Variants in REPS2 observed in about 807,000 individuals in gnomAD.
REPS2 encodes the protein ralBP1-associated Eps domain-containing protein 2.
A neutral mutation model predicts 53.6 loss-of-function variants in REPS2; 23 were observed. The observed-to-expected ratio is 0.43, with a 90% CI of 0.31 to 0.61. The LOEUF (loss-of-function observed/expected upper bound fraction) is 0.61, where lower values mean the gene tolerates loss of function less well. Among genes scored for constraint, REPS2 ranks in the 20% least tolerant of loss-of-function variants. The probability of loss-of-function intolerance (pLI) is 0.11; values close to 1 mark genes in which losing one functional copy is unlikely to be tolerated. For missense variants in REPS2, 446 were observed against 534.9 expected (o/e 0.83, Z 1.64); for synonymous variants, 238 against 218.6 (o/e 1.09, Z -0.78).
chrX:17,053,859 C>A (rs1258164042), intron 7 of REPS2, among the ~76,000 whole-genome samples: 1 of 111,301 alleles, frequency 9.0e-6, no homozygotes, highest in East Asian at 2.8e-4. Flanking sequence ...TTTCAGGGCC[C>A]CAGTGCATTC....
chrX:17,073,640 GT>G (rs1386580247), intron 11 of REPS2, among the ~76,000 whole-genome samples: 1 of 108,442 alleles, frequency 9.2e-6, no homozygotes, highest in Non-Finnish European at 1.9e-5. Context: ...TGAGAGCTTT[GT>G]TTTTTTGTGG....
intron 4 of REPS2, among the ~76,000 whole-genome samples, chrX:17,028,180 A>G (rs758526314): frequency 3.6e-5 from 4 of 111,651 alleles, no homozygotes; most frequent in African/African-American, 1.3e-4. Context: ...CTCCCCTGGA[A>G]GTAGAAGTAG....
At chrX:16,994,868 C>G (rs1459652198) in intron 1 of REPS2, among the ~76,000 whole-genome samples, 2 of 111,846 alleles carry the variant, frequency 1.8e-5, no homozygotes, top group Non-Finnish European at 3.8e-5. Context: ...GAGCGTAGGT[C>G]TTGTGCCCAT....
At chrX:16,966,051 A>G (rs968468281) in intron 1 of REPS2, among the ~76,000 whole-genome samples, 8 of 112,483 alleles carry the variant, frequency 7.1e-5, no homozygotes, top group Non-Finnish European at 1.3e-4. Context: ...GTGAGCCGAG[A>G]TGGCAGCAGT....
chrX:17,142,839 C>T (rs1021745835), intron 17 of REPS2, among the ~76,000 whole-genome samples: 9 of 111,797 alleles, frequency 8.1e-5, no homozygotes, highest in African/African-American at 2.9e-4. Flanking sequence ...GTCTCTCTAC[C>T]TTAGTGAAAT....
At chrX:17,052,562 G>A in intron 7 of REPS2, 117 bp downstream of exon 7, 1 of 494,854 alleles carries the variant, frequency 2.0e-6, no homozygotes, top group Non-Finnish European at 3.2e-6. Context: ...ACAGACTACA[G>A]GAGTGAATAC....
intron 13 of REPS2, among the ~76,000 whole-genome samples, chrX:17,102,828 G>A (rs913785711): frequency 8.9e-6 from 1 of 112,600 alleles, no homozygotes; most frequent in East Asian, 2.8e-4. Flanking sequence ...TTGTCCAAAT[G>A]CATAGTACAA....
At chrX:17,176,919 C>T in the REPS2 span, among the ~76,000 whole-genome samples, 1 of 112,079 alleles carries the variant, frequency 8.9e-6, no homozygotes, top group Non-Finnish European at 1.9e-5. Flanking sequence ...TGTGTGACTC[C>T]GAAATCCCTG....
chrX:17,083,422 C>A (rs977100488), intron 13 of REPS2, among the ~76,000 whole-genome samples: 1 of 111,261 alleles, frequency 9.0e-6, no homozygotes, highest in Non-Finnish European at 1.9e-5. Flanking sequence ...TCTTCAGATT[C>A]CATTTCAGTG....
chrX:17,065,064 A>G (rs2062207511), intron 9 of REPS2, among the ~76,000 whole-genome samples: 1 of 112,130 alleles, frequency 8.9e-6, no homozygotes. Flanking sequence ...ACTTTTGGCT[A>G]TTGTAAATAA....
At position 17,103,791 on chromosome X, in the gene REPS2, A is replaced by G. The variant is rs2062837838; in HGVS notation, c.1578+12A>G. The G allele has an allele frequency of 8.3e-7, 1 of 1,199,371 alleles. No individual in the cohort carries two copies. The highest frequency in any genetic ancestry group is 1.8e-5 in the African/African-American group (1 of 56,594). On this transcript the variant is annotated intron_variant, in intron 14 of 17. Transcript: ENST00000357277. The stretch of plus-strand genomic sequence containing the variant: ...CTTGTCCATCACAGGTAGGAGACAT[A>G]TTTGATTTATGTAAACTGTTCGGTG...
chrX:17,029,650 A>G lies in REPS2; in HGVS notation c.771+27A>G, dbSNP rs754410630. The G allele has an allele frequency of 1.9e-5, 20 of 1,071,078 alleles. No homozygotes were observed. The East Asian group carries it at 3.7e-4, about 20-fold the overall frequency. 88.3% of individuals were successfully genotyped at this position (1,071,078 alleles called of 1,213,427 possible). A position where few individuals can be genotyped will look rare whatever the true frequency, so the allele number is the denominator to read the frequency against. On this transcript the variant is annotated intron_variant, in intron 5 of 17. Transcript: ENST00000357277. ...TAAGTGATGATGCAGGGTTATGCCA[A>G]TGGGACAGTAGAGTCAAGCTTTGGG...
chrX:17,019,625 A>G lies in REPS2; in HGVS notation c.398-2498A>G, dbSNP rs563893704. Reference sequence around the variant, plus strand: ...GATCGCTTGAGCTCAGGAATTTGAGACCTGTCTGGGCAATATAGCAAGACC... The same window carrying G: ...GATCGCTTGAGCTCAGGAATTTGAGGCCTGTCTGGGCAATATAGCAAGACC... On this transcript the variant is annotated intron_variant, in intron 2 of 17. Transcript: ENST00000357277. Among the ~76,000 whole-genome samples the G allele has an allele frequency of 7.2e-5, 8 of 111,231 alleles. No homozygotes were observed. In the South Asian group the frequency reaches 1.5e-3, roughly 21 times the overall value.
intron 5 of REPS2, among the ~76,000 whole-genome samples, chrX:17,040,458 A>G (rs1476089264): frequency 3.6e-5 from 4 of 112,140 alleles, no homozygotes; most frequent in Non-Finnish European, 7.5e-5. Flanking sequence ...TGTGTTAGTG[A>G]CTTTTCCAGG....
the REPS2 span, among the ~76,000 whole-genome samples, chrX:17,171,647 G>A: frequency 9.1e-6 from 1 of 110,327 alleles, no homozygotes; most frequent in Admixed American, 9.7e-5. Context: ...AGCCTCCCTA[G>A]TAGCTGGGAC....
At chrX:16,956,711 CTCCTGACCGTTTTA>C (rs1478739944) in intron 1 of REPS2, among the ~76,000 whole-genome samples, 4 of 111,457 alleles carry the variant, frequency 3.6e-5, no homozygotes, top group African/African-American at 1.3e-4. Flanking sequence ...CTGAGCTCTG[CTCCTGACCGTTTTA>C]TCTGGCCCTC....
Position 17,062,512 on chromosome X carries a change from C to G in REPS2, c.1189C>G (p.Arg397Gly), listed in dbSNP as rs768325785. 1.8e-5 allele frequency: 22 copies of G among 1,200,713 alleles called. No individual in the cohort carries two copies. The highest frequency in any genetic ancestry group is 2.5e-5 in the Non-Finnish European group (22 of 888,251). Residue 397 changes from arginine to glycine, a missense_variant, in exon 9 of 18, where the codon CGT becomes GGT. Coordinates refer to ENST00000357277, the MANE Select transcript of REPS2 (RefSeq NM_004726.3). ...SESLPANQQP[R>G]DLNRMEKTSV... Reference sequence around the variant, plus strand: ...GTCACTGCCGGCAAATCAACAACCTCGTGACTTGAATCGGATGGAGGTAAA... The same window carrying G: ...GTCACTGCCGGCAAATCAACAACCTGGTGACTTGAATCGGATGGAGGTAAA...
chrX:17,085,412 A>G (rs906935125), intron 13 of REPS2, among the ~76,000 whole-genome samples: 3 of 112,164 alleles, frequency 2.7e-5, no homozygotes, highest in African/African-American at 9.7e-5. Context: ...TGTAAAAACA[A>G]AAAAGCCAGC....
intron 5 of REPS2, among the ~76,000 whole-genome samples, chrX:17,030,661 A>T (rs1394569322): frequency 2.7e-5 from 3 of 112,461 alleles, no homozygotes; most frequent in Non-Finnish European, 5.6e-5. Context: ...TAATTTAGCC[A>T]TAGGCTATTT....
Sources: allele counts gnomAD v4.1 joint callset (sites outside exome capture counted in the v4.1 genomes callset), GRCh38; gene constraint gnomAD v4.1.1; transcripts MANE v1.5; gene names NCBI Gene and HGNC (gene_info 2026-07-23, HGNC 2026-07-21).